The following FZD3 variants were observed in gnomAD, a reference collection of about 807,000 sequenced individuals.
The protein encoded by FZD3 is frizzled class receptor 3, also known as frizzled-3.
FZD3 carries 30 observed loss-of-function variants against 60.7 expected under a neutral mutation model. The observed-to-expected ratio is 0.49, with a 90% confidence interval of 0.37 to 0.67. FZD3 has a LOEUF of 0.67. Ranked by LOEUF, FZD3 falls within the 30% of genes least tolerant of loss-of-function variation. The pLI is 0.00. For synonymous variants in FZD3, 246 were observed against 275.2 expected (o/e 0.89, Z 1.05); for missense variants, 605 against 838.7 (o/e 0.72, Z 3.44).
In FZD3 at chr8:28,494,308, C is replaced by T. The variant is rs896621407; in HGVS notation, c.-426C>T. ...GGCCGCCCGCGGCAGGCGGTGCAGC[C>T]CCCCCACCCCTTGGAGCCAGGCGCC... is the stretch of plus-strand genomic sequence containing the variant. On this transcript the variant is annotated 5_prime_UTR_variant, in exon 1 of 8. Coordinates refer to ENST00000240093, the MANE Select transcript of FZD3 (RefSeq NM_017412.4). 1.3e-5 allele frequency: 2 copies of T among 151,516 alleles called. No individual in the cohort carries two copies. The highest frequency in any genetic ancestry group is 2.0e-4 in the East Asian group (1 of 5,106). 9.4% of individuals were successfully genotyped at this position (151,516 alleles called of 1,614,324 possible).
At chr8:28,516,788 C>T (rs1804440084) in intron 3 of FZD3, among the ~76,000 whole-genome samples, 1 of 151,306 alleles carries the variant, frequency 6.6e-6, no homozygotes, top group South Asian at 2.1e-4. Context: ...TCTTATCTTG[C>T]CTTCTTTTTA....
At chr8:28,533,951 C>T (rs1012888717) in intron 5 of FZD3, among the ~76,000 whole-genome samples, 1 of 106,586 alleles carries the variant, frequency 9.4e-6, no homozygotes, top group Non-Finnish European at 2.2e-5. Context: ...CTGGCCTGTT[C>T]AAAAAAGATA....
intron 1 of FZD3, among the ~76,000 whole-genome samples, chr8:28,498,864 C>G (rs192756394): frequency 6.6e-6 from 1 of 152,182 alleles, no homozygotes; most frequent in African/African-American, 2.4e-5. Context: ...TGTGCCCAGC[C>G]AGGAATGTTT....
intron 4 of FZD3, among the ~76,000 whole-genome samples, chr8:28,521,171 A>G (rs1321792990): frequency 2.0e-5 from 3 of 152,168 alleles, no homozygotes; most frequent in Non-Finnish European, 4.4e-5. Flanking sequence ...TTATTACCTC[A>G]TCATTGCGGG....
At chr8:28,558,828 A>C (rs1805562282) in intron 7 of FZD3, among the ~76,000 whole-genome samples, 1 of 152,228 alleles carries the variant, frequency 6.6e-6, no homozygotes, top group Non-Finnish European at 1.5e-5. Flanking sequence ...GAAGAAAAGT[A>C]AGATGTAATT....
At position 28,563,165 on chromosome 8, in the gene FZD3, T is replaced by C; in HGVS notation, c.*154T>C. ...AAAGGTAAATGATTGCTTTTTTATA[T>C]TGCATCAAACTTGGAACATCAAGGC... On this transcript the variant is annotated 3_prime_UTR_variant, in exon 8 of 8. Transcript: ENST00000240093. 1 of 612,506 alleles carries C rather than the reference T, an allele frequency of 1.6e-6. No homozygotes were observed. The highest frequency in any genetic ancestry group is 2.0e-5 in the South Asian group (1 of 50,706). 37.9% of individuals were successfully genotyped at this position (612,506 alleles called of 1,614,324 possible). A position where few individuals can be genotyped will look rare whatever the true frequency, so the allele number is the denominator to read the frequency against.
chr8:28,536,922 T>C (rs1157942914), intron 5 of FZD3, among the ~76,000 whole-genome samples: 1 of 152,214 alleles, frequency 6.6e-6, no homozygotes, highest in African/African-American at 2.4e-5. Context: ...GAATTGTTTA[T>C]GAAAGGACCA....
intron 3 of FZD3, chr8:28,505,047 C>G (rs1804098898): frequency 6.5e-6 from 1 of 154,758 alleles, no homozygotes; most frequent in Non-Finnish European, 1.5e-5. Context: ...TTTATCGTAT[C>G]AGGACAGTGA....
At chr8:28,561,078 C>T (rs1413459443) in intron 7 of FZD3, among the ~76,000 whole-genome samples, 1 of 152,040 alleles carries the variant, frequency 6.6e-6, no homozygotes, top group African/African-American at 2.4e-5. Flanking sequence ...TTTTTTGAGA[C>T]AGAGTTTCGC....
intron 3 of FZD3, among the ~76,000 whole-genome samples, chr8:28,517,666 T>C (rs1011020745): frequency 1.3e-5 from 2 of 152,204 alleles, no homozygotes; most frequent in African/African-American, 4.8e-5. Flanking sequence ...TTGCCTTGTT[T>C]TCTGTTTTGC....
chr8:28,555,633 G>A, intron 6 of FZD3, 105 bp from the exon 7 acceptor site: 2 of 706,692 alleles, frequency 2.8e-6, no homozygotes, highest in East Asian at 2.5e-5. Flanking sequence ...ATCTAATTTG[G>A]CAAGCAATTA....
In FZD3 at chr8:28,569,654, T is replaced by C. The variant is rs1805769445; in HGVS notation, c.*6643T>C. On this transcript the variant is annotated 3_prime_UTR_variant, in exon 8 of 8. Transcript: ENST00000240093. ...GATTCAGATATTTTATCAACTGTTT[T>C]TCCATTAGTGATTTTAAGTAATTTT... 1.3e-5 allele frequency: 2 copies of C among 152,198 alleles called. No homozygotes were observed. The highest frequency in any genetic ancestry group is 4.1e-4 in the South Asian group (2 of 4,834). 9.4% of individuals were successfully genotyped at this position (152,198 alleles called of 1,614,324 possible). A position where few individuals can be genotyped will look rare whatever the true frequency, so the allele number is the denominator to read the frequency against.
rs1805821159 is a variant in FZD3, at chr8:28,572,270, A to G, written c.*9259A>G. ...GGTCAAAAATGATCAGATGCTAGCA[A>G]TTTCATAATAGATATATTCAAGAAG... On this transcript the variant is annotated 3_prime_UTR_variant, in exon 8 of 8. Coordinates refer to ENST00000240093, the MANE Select transcript of FZD3 (RefSeq NM_017412.4). 1.3e-5 allele frequency: 2 copies of G among 152,172 alleles called. No homozygotes were observed. Among genetic ancestry groups the G allele is most frequent in the South Asian group, 4.1e-4 (2 of 4,820 alleles). The allele number at this position is 152,172 out of a possible 1,614,324, so 9.4% of individuals were successfully genotyped here. A position where few individuals can be genotyped will look rare whatever the true frequency, so the allele number is the denominator to read the frequency against.
chr8:28,526,343 T>C (rs1804714985), intron 4 of FZD3, among the ~76,000 whole-genome samples: 1 of 152,186 alleles, frequency 6.6e-6, no homozygotes, highest in Non-Finnish European at 1.5e-5. Context: ...ACTAGAATGC[T>C]GATTGGCTTA....
Position 28,520,643 on chromosome 8 carries a change from C to A in FZD3, c.195C>A (p.Phe65Leu). 6.4e-7 allele frequency: 1 copy of A among 1,557,846 alleles called. No individual in the cohort carries two copies. Among genetic ancestry groups the A allele is most frequent in the Non-Finnish European group, 8.7e-7 (1 of 1,147,334 alleles). The change falls in exon 4 of 8, where the codon TTC (phenylalanine) becomes TTA (leucine). Residue 65 changes from phenylalanine to leucine, a missense_variant. Transcript: ENST00000240093. ...CAATTTTAACTTTTCCCTAGCCATTCCACCCTATGGTGAATCTGGATTGTT... is the reference window on the plus strand; with the variant it reads ...CAATTTTAACTTTTCCCTAGCCATTACACCCTATGGTGAATCTGGATTGTT... ...QQTAALAMEP[F>L]HPMVNLDCSR...
chr8:28,550,635 G>A (rs978366756), intron 5 of FZD3, among the ~76,000 whole-genome samples: 9 of 151,746 alleles, frequency 5.9e-5, no homozygotes, highest in African/African-American at 1.9e-4. Context: ...GGGACTACAG[G>A]TGCCTGCCAC....
Position 28,562,897 on chromosome 8 carries a change from C to T in FZD3, c.1887C>T (p.Leu629=). The change falls in exon 8 of 8, where the codon CTC becomes CTT. Residue 629 remains leucine, a synonymous_variant. Coordinates refer to ENST00000240093, the MANE Select transcript of FZD3 (RefSeq NM_017412.4). ...DHSRHSSSHR[L]NEQSRHSSIR... is the part of the protein sequence containing the mutation. ...CCAGGCATAGTAGTTCTCATCGGCT[C>T]AATGAACAGTCACGACATAGCAGCA... 1 of 1,612,942 alleles carries T rather than the reference C, an allele frequency of 6.2e-7. No homozygotes were observed. Among genetic ancestry groups the T allele is most frequent in the South Asian group, 1.1e-5 (1 of 91,046 alleles).
chr8:28,494,223 C>T lies in FZD3; in HGVS notation c.-511C>T, dbSNP rs780281604. 6 of 151,854 alleles carry T rather than the reference C, an allele frequency of 4.0e-5. 1 individual carries two copies. Among genetic ancestry groups the T allele is most frequent in the Admixed American group, 3.9e-4 (6 of 15,250 alleles). The allele number at this position is 151,854 out of a possible 1,614,324, so 9.4% of individuals were successfully genotyped here. On this transcript the variant is annotated 5_prime_UTR_variant, in exon 1 of 8. Coordinates refer to ENST00000240093, the MANE Select transcript of FZD3 (RefSeq NM_017412.4). ...GCGCCCCGGTGCTCGCGAAAGCTCG[C>T]TGTCGCTGGGAGGCGCGCGCCGGCG...
rs924702050 is a variant in FZD3, at chr8:28,541,627, A to C, written c.1405-9976A>C. Among the ~76,000 whole-genome samples, 5 of 152,274 alleles carry C rather than the reference A, an allele frequency of 3.3e-5. No individual in the cohort carries two copies. In the South Asian group the frequency reaches 8.3e-4, roughly 25 times the overall value. ...ATAATCTTATCCAGTCCCATGTTTC[A>C]GACTATACAGCCCAACCTTGTTTCT... On this transcript the variant is annotated intron_variant, in intron 5 of 7. Coordinates refer to ENST00000240093, the MANE Select transcript of FZD3 (RefSeq NM_017412.4).
Sources: allele counts gnomAD v4.1 joint callset (sites outside exome capture counted in the v4.1 genomes callset), GRCh38; gene constraint gnomAD v4.1.1; transcripts MANE v1.5; gene names NCBI Gene and HGNC (gene_info 2026-07-23, HGNC 2026-07-21).